Variants in FER observed in about 807,000 individuals in gnomAD.
The protein encoded by FER is tyrosine-protein kinase Fer.
Under a neutral mutation model 111.0 loss-of-function variants are expected in FER, and 63 were observed. The observed-to-expected ratio is 0.57, with a 90% confidence interval of 0.46 to 0.70. FER has a LOEUF of 0.70. Ranked by LOEUF, FER falls within the 30% of genes least tolerant of loss-of-function variation. The pLI is 0.00. For missense variants in FER, 914 were observed against 954.0 expected (o/e 0.96, Z 0.55); for synonymous variants, 327 against 313.9 (o/e 1.04, Z -0.44).
At chr5:109,186,353 A>G in intron 19 of FER, 31 bp downstream of exon 19, 1 of 1,614,010 alleles carries the variant, frequency 6.2e-7, no homozygotes, top group Non-Finnish European at 8.5e-7. Flanking sequence ...GTTAGTGTTC[A>G]TGTCCAGCCC....
At chr5:108,839,626 G>A (rs1202609828) in intron 5 of FER, among the ~76,000 whole-genome samples, 1 of 139,166 alleles carries the variant, frequency 7.2e-6, no homozygotes, top group Non-Finnish European at 1.5e-5. Flanking sequence ...CTCCCAGGCT[G>A]GAGTGCAGTG....
At chr5:108,772,055 C>A (rs1489103141) in intron 2 of FER, among the ~76,000 whole-genome samples, 2 of 151,960 alleles carry the variant, frequency 1.3e-5, no homozygotes, top group East Asian at 3.9e-4. Flanking sequence ...ATAGTTTGTG[C>A]CTTTTTGGTG....
intron 5 of FER, among the ~76,000 whole-genome samples, chr5:108,850,064 G>A (rs1403559195): frequency 6.6e-6 from 1 of 151,914 alleles, no homozygotes; most frequent in Non-Finnish European, 1.5e-5. Flanking sequence ...GCATGGTGGT[G>A]CGCGCCTGTA....
rs557070762 is a variant in FER, at chr5:109,152,091, T to C, written c.2049-28656T>C. Among the ~76,000 whole-genome samples the C allele has an allele frequency of 2.0e-5, 3 of 152,230 alleles. No homozygotes were observed. In the East Asian group the frequency reaches 5.8e-4, roughly 29 times the overall value. ...TTTAATTCCAGGAAAAATTTGCCTG[T>C]ACATTTATACAGATGATTTGGTACA... On this transcript the variant is annotated intron_variant, in intron 17 of 19. Transcript: ENST00000281092.
chr5:109,138,043 T>A (rs1302193349), intron 17 of FER, among the ~76,000 whole-genome samples: 5 of 152,092 alleles, frequency 3.3e-5, no homozygotes, highest in African/African-American at 1.2e-4. Context: ...GCCTGAAGTC[T>A]TTCTGTCATA....
rs77638720 is a variant in FER, at chr5:108,819,623, A to G, written c.208-13147A>G. Among the ~76,000 whole-genome samples, 164 of 152,342 alleles carry G rather than the reference A, an allele frequency of 1.1e-3. 2 individuals carry two copies. Among genetic ancestry groups the G allele is most frequent in the African/African-American group, 3.6e-3 (149 of 41,596 alleles). ...TAATATTAATAAGTGAAGCCCCAGT[A>G]TGTAAAAGAGGCAGAGAGCGTCTCT... On this transcript the variant is annotated intron_variant, in intron 3 of 19. Coordinates refer to ENST00000281092, the MANE Select transcript of FER (RefSeq NM_005246.4).
At chr5:109,152,823 T>A (rs1754994502) in intron 17 of FER, among the ~76,000 whole-genome samples, 1 of 151,978 alleles carries the variant, frequency 6.6e-6, no homozygotes, top group Admixed American at 6.6e-5. Context: ...ATGCACTACC[T>A]ATCTTATTAC....
chr5:108,789,874 A>G (rs1036542255), intron 2 of FER, among the ~76,000 whole-genome samples: 7 of 152,186 alleles, frequency 4.6e-5, no homozygotes, highest in Non-Finnish European at 1.0e-4. Context: ...AAATGCTGGG[A>G]TTACAGGTGT....
chr5:109,190,140 ATAAT>A lies in FER; in HGVS notation c.*2572_*2575del, dbSNP rs1235805479. The A allele has an allele frequency of 6.6e-6, 1 of 152,168 alleles. No homozygotes were observed. Among genetic ancestry groups the A allele is most frequent in the African/African-American group, 2.4e-5 (1 of 41,452 alleles). 9.4% of individuals were successfully genotyped at this position (152,168 alleles called of 1,614,324 possible). On this transcript the variant is annotated 3_prime_UTR_variant, in exon 20 of 20. Coordinates refer to ENST00000281092, the MANE Select transcript of FER (RefSeq NM_005246.4). ...AATTTATTCATCCCTTCTGTCACTGATAATTAATTATTGGAATTATATACTTTAG... is the reference window on the plus strand; with the variant it reads ...AATTTATTCATCCCTTCTGTCACTGATAATTATTGGAATTATATACTTTAG...
intron 16 of FER, among the ~76,000 whole-genome samples, chr5:109,097,062 C>T (rs1257161920): frequency 6.7e-6 from 1 of 150,272 alleles, no homozygotes; most frequent in East Asian, 1.9e-4. Flanking sequence ...GTGCTAGGCA[C>T]ATGCTTGATA....
intron 13 of FER, among the ~76,000 whole-genome samples, chr5:109,018,766 G>A (rs1044783153): frequency 1.3e-5 from 2 of 151,734 alleles, no homozygotes; most frequent in African/African-American, 4.8e-5. Flanking sequence ...ATCAAGTTCT[G>A]TAAGCAAAAT....
At chr5:108,805,016 G>C (rs1300740706) in intron 3 of FER, among the ~76,000 whole-genome samples, 1 of 151,432 alleles carries the variant, frequency 6.6e-6, no homozygotes, top group Non-Finnish European at 1.5e-5. Context: ...TCAATTTGGA[G>C]CTGGATATTG....
chr5:108,803,335 A>G (rs1756876929), intron 3 of FER, among the ~76,000 whole-genome samples: 1 of 152,168 alleles, frequency 6.6e-6, no homozygotes, highest in African/African-American at 2.4e-5. Context: ...CTTTAGTTTG[A>G]TTAAGTCCCA....
Position 108,955,077 on chromosome 5 carries a change from G to A in FER, c.1533+145G>A, listed in dbSNP as rs2149655725. 5.7e-6 allele frequency: 3 copies of A among 529,218 alleles called. No homozygotes were observed. The East Asian group carries it at 9.6e-5, about 17-fold the overall frequency. 32.8% of individuals were successfully genotyped at this position (529,218 alleles called of 1,614,324 possible). Reference sequence around the variant, plus strand: ...TTTTTCTGAATTTCTTAAATACAGTGCTTCAAAATGTACTAACATTTAAAT... The same window carrying A: ...TTTTTCTGAATTTCTTAAATACAGTACTTCAAAATGTACTAACATTTAAAT... On this transcript the variant is annotated intron_variant, in intron 12 of 19. Transcript: ENST00000281092.
At chr5:109,129,761 G>C (rs79829772) in intron 17 of FER, among the ~76,000 whole-genome samples, 5,180 of 152,036 alleles carry the variant, frequency 0.034, 142 homozygotes, top group South Asian at 0.084. Flanking sequence ...TGTGTCAAAC[G>C]TCTTTAAAAA....
At chr5:109,047,843 A>G (rs1406305885) in intron 16 of FER, among the ~76,000 whole-genome samples, 1 of 152,206 alleles carries the variant, frequency 6.6e-6, no homozygotes, top group Non-Finnish European at 1.5e-5. Context: ...TCAGTCTATG[A>G]ATATGTCTTG....
intron 16 of FER, among the ~76,000 whole-genome samples, chr5:109,049,592 A>T (rs978618264): frequency 1.3e-5 from 2 of 152,174 alleles, no homozygotes; most frequent in African/African-American, 4.8e-5. Flanking sequence ...ATGCTAAATT[A>T]AAACTATTGA....
chr5:108,849,023 A>G (rs1195026444), intron 5 of FER, among the ~76,000 whole-genome samples: 1 of 125,940 alleles, frequency 7.9e-6, no homozygotes, highest in Non-Finnish European at 1.6e-5. Flanking sequence ...TCTAATCCTT[A>G]TCTTAGTTGC....
At chr5:109,056,674 T>C (rs1186172603) in intron 16 of FER, among the ~76,000 whole-genome samples, 3 of 152,136 alleles carry the variant, frequency 2.0e-5, no homozygotes, top group African/African-American at 7.2e-5. Flanking sequence ...GGTAATAAAA[T>C]TGTTCTGTGT....
Sources: gnomAD v4.1 joint callset for allele counts (sites outside exome capture counted in the v4.1 genomes callset) on GRCh38, gnomAD v4.1.1 for gene constraint, MANE v1.5 for transcripts, NCBI Gene and HGNC (gene_info 2026-07-23, HGNC 2026-07-21) for gene names.